MYO5B: variants seen among roughly 807,000 people sequenced by gnomAD.
MYO5B encodes the protein myosin VB.
In MYO5B, 143 loss-of-function variants were observed where a neutral mutation model predicts 229.3. The observed-to-expected ratio is 0.62, with a 90% CI of 0.54 to 0.72. The LOEUF (loss-of-function observed/expected upper bound fraction) is 0.72, where lower values mean the gene tolerates loss of function less well. Ranked by LOEUF, MYO5B falls within the 30% of genes least tolerant of loss-of-function variation. The pLI is 0.00. For synonymous variants in MYO5B, 918 were observed against 885.2 expected (o/e 1.04, Z -0.66); for missense variants, 2,321 against 2,331.0 (o/e 1.00, Z 0.09).
chr18:49,867,090 A>G (rs1309080423), intron 27 of MYO5B, among the ~76,000 whole-genome samples: 1 of 152,172 alleles, frequency 6.6e-6, no homozygotes, highest in African/African-American at 2.4e-5. Flanking sequence ...TGGATCCAGG[A>G]AAAAGCAGTG....
intron 22 of MYO5B, 45 bp downstream of exon 22, chr18:49,894,896 C>T: frequency 6.4e-7 from 1 of 1,564,556 alleles, no homozygotes; most frequent in Non-Finnish European, 8.8e-7. Context: ...TCCGTGTGCC[C>T]ACCCACTCTG....
chr18:50,104,167 T>TAGAAAAAAAAA (rs1555659325), intron 1 of MYO5B, among the ~76,000 whole-genome samples: 2 of 131,488 alleles, frequency 1.5e-5, no homozygotes, highest in Non-Finnish European at 3.1e-5. Flanking sequence ...ACTTGTCTAT[T>TAGAAAAAAAAA]AAAAAGAAAA....
At chr18:50,034,507 G>C (rs1197174435) in intron 4 of MYO5B, among the ~76,000 whole-genome samples, 1 of 152,200 alleles carries the variant, frequency 6.6e-6, no homozygotes, top group African/African-American at 2.4e-5. Context: ...ATTTTGAGAG[G>C]CAGAGGCGGG....
At chr18:50,109,078 T>C (rs1277534899) in intron 1 of MYO5B, among the ~76,000 whole-genome samples, 1 of 152,164 alleles carries the variant, frequency 6.6e-6, no homozygotes. Flanking sequence ...TTTAAAGCCC[T>C]AGAAACCCTA....
chr18:50,042,194 T>C (rs1462872863), intron 2 of MYO5B, among the ~76,000 whole-genome samples: 2 of 152,092 alleles, frequency 1.3e-5, no homozygotes, highest in African/African-American at 2.4e-5. Context: ...CTTGATCTCA[T>C]GAAATAATTT....
intron 1 of MYO5B, chr18:50,098,625 G>C (rs907749621): frequency 2.0e-5 from 3 of 152,286 alleles, no homozygotes; most frequent in Non-Finnish European, 4.4e-5. Context: ...GGCTTGCAGA[G>C]ATGGTAGGAT....
intron 25 of MYO5B, among the ~76,000 whole-genome samples, chr18:49,877,153 CTG>C (rs1405752500): frequency 2.7e-4 from 41 of 152,236 alleles, no homozygotes; most frequent in African/African-American, 9.1e-4. Flanking sequence ...GCGCATGTGC[CTG>C]TGATTTTCTT....
intron 5 of MYO5B, among the ~76,000 whole-genome samples, chr18:50,000,303 G>T (rs1429370133): frequency 1.3e-5 from 2 of 152,126 alleles, no homozygotes; most frequent in South Asian, 4.1e-4. Flanking sequence ...GGCAGCTTGC[G>T]GCTCAACTAA....
intron 14 of MYO5B, among the ~76,000 whole-genome samples, chr18:49,946,831 AC>A (rs33963993): frequency 1 from 152,309 of 152,310 alleles, 76,154 homozygotes; most frequent in Non-Finnish European, 1. Context: ...AAAAGGAGGT[AC>A]CAGTATGCTT....
At chr18:49,974,760 G>T in intron 9 of MYO5B, 145 bp from the exon 10 acceptor site, 1 of 466,952 alleles carries the variant, frequency 2.1e-6, no homozygotes, top group Non-Finnish European at 3.4e-6. Flanking sequence ...ATGCCCTGCT[G>T]CCAGCCCAGC....
chr18:49,989,727 A>G (rs1365885325), intron 7 of MYO5B, among the ~76,000 whole-genome samples: 1 of 152,182 alleles, frequency 6.6e-6, no homozygotes, highest in East Asian at 1.9e-4. Flanking sequence ...GAAACTTGCT[A>G]ACACCCCTCA....
chr18:50,071,710 T>C (rs1442411315), intron 1 of MYO5B, among the ~76,000 whole-genome samples: 1 of 152,244 alleles, frequency 6.6e-6, no homozygotes, highest in Non-Finnish European at 1.5e-5. Context: ...TATCTGTCAC[T>C]ACTCCTGGTT....
chr18:49,862,822 T>C (rs550726163), intron 29 of MYO5B, among the ~76,000 whole-genome samples: 7 of 152,256 alleles, frequency 4.6e-5, no homozygotes, highest in African/African-American at 1.7e-4. Flanking sequence ...CCCCACTGTG[T>C]GACACACACT....
At chr18:50,025,084 C>A (rs945762793) in intron 4 of MYO5B, among the ~76,000 whole-genome samples, 1 of 152,162 alleles carries the variant, frequency 6.6e-6, no homozygotes, top group African/African-American at 2.4e-5. Context: ...ATTACAGAGA[C>A]CCTGTTACAA....
chr18:50,055,007 A>C (rs541037550), intron 2 of MYO5B, among the ~76,000 whole-genome samples: 5 of 152,234 alleles, frequency 3.3e-5, no homozygotes, highest in African/African-American at 1.2e-4. Flanking sequence ...CACTCCACTG[A>C]AGATTCCTGC....
intron 16 of MYO5B, among the ~76,000 whole-genome samples, chr18:49,931,730 G>A (rs1473279281): frequency 2.0e-5 from 3 of 152,212 alleles, no homozygotes; most frequent in Non-Finnish European, 2.9e-5. Flanking sequence ...CCATGACTGC[G>A]AGTGATCAGA....
intron 1 of MYO5B, among the ~76,000 whole-genome samples, chr18:50,093,855 C>T (rs1253406994): frequency 6.6e-6 from 1 of 152,144 alleles, no homozygotes; most frequent in Non-Finnish European, 1.5e-5. Context: ...GGGAGTTACC[C>T]TATATGGTCT....
At chr18:50,152,904 A>C (rs2032622542) in intron 1 of MYO5B, among the ~76,000 whole-genome samples, 1 of 151,702 alleles carries the variant, frequency 6.6e-6, no homozygotes, top group Admixed American at 6.6e-5. Flanking sequence ...GAAAAGAAAC[A>C]CATGTCCCTT....
intron 12 of MYO5B, among the ~76,000 whole-genome samples, chr18:49,960,915 T>C (rs1182830130): frequency 4.6e-5 from 7 of 152,170 alleles, no homozygotes; most frequent in Admixed American, 3.9e-4. Context: ...AGGGTCCTCC[T>C]TGAGTACTGG....
Sources: allele counts gnomAD v4.1 joint callset (sites outside exome capture counted in the v4.1 genomes callset), GRCh38; gene constraint gnomAD v4.1.1; transcripts MANE v1.5; gene names NCBI Gene and HGNC (gene_info 2026-07-23, HGNC 2026-07-21).